The following ZNF81 variants were observed in gnomAD, a reference collection of about 807,000 sequenced individuals.
ZNF81 encodes the protein zinc finger protein 81 (HFZ20).
A neutral mutation model predicts 32.3 loss-of-function variants in ZNF81; 5 were observed. That is an observed-to-expected ratio of 0.15 (90% CI 0.08 to 0.33). The LOEUF is 0.33. ZNF81 is among the 10% of genes least tolerant of loss of function. The pLI, the probability that ZNF81 is intolerant of heterozygous loss-of-function variation, is 1.00. For synonymous variants in ZNF81, 163 were observed against 166.8 expected (o/e 0.98, Z 0.17); for missense variants, 379 against 479.8 (o/e 0.79, Z 1.96).
intron 2 of ZNF81, among the ~76,000 whole-genome samples, chrX:47,866,390 G>A (rs1489670373): frequency 8.9e-6 from 1 of 112,099 alleles, no homozygotes; most frequent in African/African-American, 3.2e-5. Flanking sequence ...ACACTGCAGT[G>A]TGCATCACAA....
intron 2 of ZNF81, among the ~76,000 whole-genome samples, chrX:47,868,996 C>A (rs1326037790): frequency 1.8e-5 from 2 of 110,603 alleles, no homozygotes; most frequent in Admixed American, 1.9e-4. Flanking sequence ...GGATTCCCAC[C>A]AGTATGGATG....
chrX:47,851,455 A>G (rs911283826), intron 2 of ZNF81, among the ~76,000 whole-genome samples: 1 of 112,110 alleles, frequency 8.9e-6, no homozygotes, highest in African/African-American at 3.2e-5. Flanking sequence ...GTTACAACAC[A>G]GTATCTCAGT....
At chrX:47,838,320 T>TACA (rs2058433255) in intron 1 of ZNF81, among the ~76,000 whole-genome samples, 1 of 112,055 alleles carries the variant, frequency 8.9e-6, no homozygotes, top group African/African-American at 3.2e-5. Flanking sequence ...CTTCCCTTAT[T>TACA]ACACTGGCAA....
intron 4 of ZNF81, among the ~76,000 whole-genome samples, chrX:47,905,910 G>A (rs2058719757): frequency 1.8e-5 from 2 of 111,568 alleles, no homozygotes; most frequent in African/African-American, 6.5e-5. Flanking sequence ...ATTCTCCTGA[G>A]TTCCATCTTC....
intron 2 of ZNF81, among the ~76,000 whole-genome samples, chrX:47,876,857 C>G (rs782324015): frequency 2.1e-4 from 23 of 112,147 alleles, no homozygotes; most frequent in African/African-American, 7.4e-4. Context: ...TGCTGCCTTT[C>G]TGTCCTTAAT....
At chrX:47,880,337 C>A (rs1319603117) in intron 2 of ZNF81, among the ~76,000 whole-genome samples, 1 of 112,065 alleles carries the variant, frequency 8.9e-6, no homozygotes, top group Non-Finnish European at 1.9e-5. Flanking sequence ...CTCAGCCTCC[C>A]AAGTAGCTGG....
In ZNF81 at chrX:47,919,241, CCTT is replaced by C. The variant is rs1556891532; in HGVS notation, c.*2614_*2616del. The C allele has an allele frequency of 3.1e-6, 1 of 325,561 alleles. No individual in the cohort carries two copies. The highest frequency in any genetic ancestry group is 6.0e-6 in the Non-Finnish European group (1 of 167,630). 26.8% of individuals were successfully genotyped at this position (325,561 alleles called of 1,213,427 possible). A position where few individuals can be genotyped will look rare whatever the true frequency, so the allele number is the denominator to read the frequency against. On this transcript the variant is annotated 3_prime_UTR_variant, in exon 5 of 5. Coordinates refer to ENST00000338637, the MANE Select transcript of ZNF81 (RefSeq NM_007137.5). ...GATGTCTTCATCCCTGTATATGTGT[CCTT>C]CTTCAGTCTTTATTTCTCTTTGTGT...
intron 3 of ZNF81, among the ~76,000 whole-genome samples, chrX:47,889,456 C>A (rs1212833407): frequency 8.9e-6 from 1 of 112,419 alleles, no homozygotes. Context: ...GCCCTGAAGG[C>A]ACAGGCTGGG....
intron 2 of ZNF81, among the ~76,000 whole-genome samples, chrX:47,877,956 AG>A (rs1462128321): frequency 3.6e-5 from 4 of 111,574 alleles, no homozygotes; most frequent in African/African-American, 1.3e-4. Context: ...GCTTACCAAG[AG>A]GGCTAACTAT....
At chrX:47,887,928 G>A (rs1556885989) in intron 2 of ZNF81, 71 bp from the exon 3 acceptor site, 1 of 1,186,200 alleles carries the variant, frequency 8.4e-7, no homozygotes, top group South Asian at 1.8e-5. Context: ...ATCAAAAAGA[G>A]CTTCCTATCT....
intron 4 of ZNF81, among the ~76,000 whole-genome samples, chrX:47,904,507 A>C (rs1319803887): frequency 1.8e-5 from 2 of 108,530 alleles, no homozygotes; most frequent in East Asian, 2.9e-4. Flanking sequence ...TCAAAACCAC[A>C]ATGAGATACC....
In ZNF81 at chrX:47,856,248, C is replaced by T. The variant is rs540873580; in HGVS notation, c.54+9927C>T. Reference sequence around the variant, plus strand: ...ATTGAAACTAAAATTACAATTATTCCCACAGAAGAGATAGTTGAAAGAAAG... The same window carrying T: ...ATTGAAACTAAAATTACAATTATTCTCACAGAAGAGATAGTTGAAAGAAAG... On this transcript the variant is annotated intron_variant, in intron 2 of 4. Coordinates refer to ENST00000338637, the MANE Select transcript of ZNF81 (RefSeq NM_007137.5). 2.7e-5 allele frequency among the ~76,000 whole-genome samples: 3 copies of T among 110,196 alleles called. No individual in the cohort carries two copies. The Admixed American group carries it at 2.9e-4, about 11-fold the overall frequency.
At chrX:47,903,838 G>A (rs1244402336) in intron 4 of ZNF81, among the ~76,000 whole-genome samples, 133 of 103,411 alleles carry the variant, frequency 1.3e-3, no homozygotes, top group East Asian at 8.5e-3. Context: ...AACCAAAACA[G>A]CATGGTACTG....
chrX:47,854,238 T>C (rs1401971100), intron 2 of ZNF81, among the ~76,000 whole-genome samples: 3 of 112,636 alleles, frequency 2.7e-5, no homozygotes, highest in Non-Finnish European at 5.6e-5. Context: ...CTTCGCAGAA[T>C]TGAAGAGAGT....
chrX:47,922,099 CATG>C lies in ZNF81; in HGVS notation c.*5470_*5472del, dbSNP rs782592486. Reference sequence around the variant, plus strand: ...TTTTAAGTCACTAAGTTTTGGGCAGCATGATAACAACCCAGCAAAAAGCTAACT... The same window carrying C: ...TTTTAAGTCACTAAGTTTTGGGCAGCATAACAACCCAGCAAAAAGCTAACT... On this transcript the variant is annotated 3_prime_UTR_variant, in exon 5 of 5. Transcript: ENST00000338637. The C allele has an allele frequency of 8.9e-6, 1 of 112,060 alleles. No homozygotes were observed. Among genetic ancestry groups the C allele is most frequent in the East Asian group, 2.8e-4 (1 of 3,573 alleles). 9.2% of individuals were successfully genotyped at this position (112,060 alleles called of 1,213,427 possible).
chrX:47,879,873 CTT>C (rs2058613884), intron 2 of ZNF81, among the ~76,000 whole-genome samples: 1 of 112,215 alleles, frequency 8.9e-6, no homozygotes, highest in African/African-American at 3.2e-5. Context: ...TCTCCTCTCT[CTT>C]GTTTTTCTCC....
At chrX:47,863,050 C>G (rs1363831093) in intron 2 of ZNF81, among the ~76,000 whole-genome samples, 1 of 111,582 alleles carries the variant, frequency 9.0e-6, no homozygotes, top group African/African-American at 3.3e-5. Flanking sequence ...TTGGCTTTTT[C>G]ACAGGTAAAC....
At chrX:47,838,990 G>A (rs868958261) in intron 1 of ZNF81, among the ~76,000 whole-genome samples, 9 of 111,077 alleles carry the variant, frequency 8.1e-5, no homozygotes, top group Admixed American at 2.9e-4. Context: ...TCACTATGTT[G>A]CCCAGGCTGG....
rs782419283 is a variant in ZNF81 at position 47,847,479 on chromosome X, G to A, written c.54+1158G>A. ...CAGTAAATAGCCAGTAATAGGTGGGGCTGCTCTCACTTCTGGGCATCACTG... is the reference window on the plus strand; with the variant it reads ...CAGTAAATAGCCAGTAATAGGTGGGACTGCTCTCACTTCTGGGCATCACTG... On this transcript the variant is annotated intron_variant, in intron 2 of 4. Transcript: ENST00000338637. Among the ~76,000 whole-genome samples, 69 of 112,161 alleles carry A rather than the reference G, an allele frequency of 6.2e-4. 1 individual carries two copies. The highest frequency in any genetic ancestry group is 2.1e-3 in the Admixed American group (22 of 10,552).
Sources: gnomAD v4.1 joint callset for allele counts (sites outside exome capture counted in the v4.1 genomes callset) on GRCh38, gnomAD v4.1.1 for gene constraint, MANE v1.5 for transcripts, NCBI Gene and HGNC (gene_info 2026-07-23, HGNC 2026-07-21) for gene names.